The following ANKRD36 variants were observed in gnomAD, a reference collection of about 807,000 sequenced individuals.
ANKRD36 encodes the protein ankyrin repeat domain 36.
In ANKRD36, 179 loss-of-function variants were observed where a neutral mutation model predicts 278.1. The observed-to-expected ratio is 0.64, with a 90% CI of 0.57 to 0.73. The LOEUF is 0.73. Ranked by LOEUF, ANKRD36 falls within the 30% of genes least tolerant of loss-of-function variation. The probability of loss-of-function intolerance (pLI) is 0.00; values close to 1 mark genes in which losing one functional copy is unlikely to be tolerated. For missense variants in ANKRD36, 1,159 were observed against 1,956.7 expected (o/e 0.59, Z 7.69); for synonymous variants, 320 against 641.1 (o/e 0.50, Z 7.57).
At chr2:97,144,442 G>A in intron 8 of ANKRD36, 76 bp from the exon 9 acceptor site, 1 of 1,565,792 alleles carries the variant, frequency 6.4e-7, no homozygotes, top group Non-Finnish European at 8.7e-7. Context: ...ACAGCTTGAT[G>A]GTAACACTGC....
intron 67 of ANKRD36, among the ~76,000 whole-genome samples, chr2:97,227,422 C>T (rs996040326): frequency 5.9e-5 from 9 of 152,082 alleles, no homozygotes; most frequent in African/African-American, 2.2e-4. Context: ...ATTTGGCTCT[C>T]TGTTTGTCTG....
At chr2:97,151,056 A>T (rs1011124019) in intron 12 of ANKRD36, among the ~76,000 whole-genome samples, 1 of 152,222 alleles carries the variant, frequency 6.6e-6, no homozygotes, top group South Asian at 2.1e-4. Flanking sequence ...TTAGGCATAT[A>T]TTATGAACAC....
intron 48 of ANKRD36, among the ~76,000 whole-genome samples, chr2:97,202,824 A>G (rs2061770581): frequency 6.6e-6 from 1 of 151,854 alleles, no homozygotes; most frequent in Non-Finnish European, 1.5e-5. Flanking sequence ...CCCTTGTTGT[A>G]GCAATCATTT....
intron 6 of ANKRD36, among the ~76,000 whole-genome samples, chr2:97,131,241 G>A (rs2040065899): frequency 6.6e-6 from 1 of 151,582 alleles, no homozygotes; most frequent in African/African-American, 2.4e-5. Flanking sequence ...CCAGGCTGGA[G>A]TACAATAGTG....
chr2:97,136,779 A>G (rs942319424), intron 6 of ANKRD36, among the ~76,000 whole-genome samples: 4 of 152,118 alleles, frequency 2.6e-5, no homozygotes, highest in South Asian at 2.1e-4. Context: ...CACCTGGTTC[A>G]TTTGTCCAGA....
intron 64 of ANKRD36, among the ~76,000 whole-genome samples, chr2:97,218,688 C>G (rs1181643082): frequency 6.6e-6 from 1 of 152,108 alleles, no homozygotes; most frequent in South Asian, 2.1e-4. Context: ...GAAAGTCATG[C>G]AGTCGCAGTT....
chr2:97,212,708 C>T (rs201550090), intron 58 of ANKRD36: 2 of 155,832 alleles, frequency 1.3e-5, no homozygotes, highest in African/African-American at 4.8e-5. Flanking sequence ...AGAAATATGT[C>T]AACATTGGTA....
intron 66 of ANKRD36, among the ~76,000 whole-genome samples, chr2:97,220,812 A>T (rs1458832394): frequency 7.6e-6 from 1 of 131,772 alleles, no homozygotes; most frequent in African/African-American, 3.1e-5. Flanking sequence ...GTTTTAGGGT[A>T]CATGTGCACA....
chr2:97,179,128 GA>G (rs2055347305), intron 22 of ANKRD36, among the ~76,000 whole-genome samples: 1 of 151,580 alleles, frequency 6.6e-6, no homozygotes, highest in Admixed American at 6.6e-5. Flanking sequence ...GAAGATACAA[GA>G]GATGTAGGCA....
At chr2:97,117,753 A>C (rs2035879701) in intron 1 of ANKRD36, among the ~76,000 whole-genome samples, 1 of 152,178 alleles carries the variant, frequency 6.6e-6, no homozygotes, top group South Asian at 2.1e-4. Context: ...TAAGCATCAC[A>C]GCAGTGTTCT....
Position 97,124,635 on chromosome 2 carries a change from T to G in ANKRD36, c.731+38T>G, listed in dbSNP as rs1179883217. The G allele has an allele frequency of 2.0e-6, 3 of 1,527,854 alleles. No homozygotes were observed. The Admixed American group carries it at 6.7e-5, about 34-fold the overall frequency. The allele number at this position is 1,527,854 out of a possible 1,614,324, so 94.6% of individuals were successfully genotyped here. A position where few individuals can be genotyped will look rare whatever the true frequency, so the allele number is the denominator to read the frequency against. ...ATAAAAAGGCTAGTGAACACTAAATTGAAGTTTAAAATAATTGTAACAATT... is the reference window on the plus strand; with the variant it reads ...ATAAAAAGGCTAGTGAACACTAAATGGAAGTTTAAAATAATTGTAACAATT... On this transcript the variant is annotated intron_variant, in intron 5 of 75. Coordinates refer to ENST00000420699, the MANE Select transcript of ANKRD36 (RefSeq NM_001354587.1).
At chr2:97,222,719 G>A (rs1218299205) in intron 66 of ANKRD36, among the ~76,000 whole-genome samples, 1 of 152,102 alleles carries the variant, frequency 6.6e-6, no homozygotes, top group Admixed American at 6.5e-5. Context: ...AATTATACAT[G>A]TAAGGTACTA....
chr2:97,215,699 C>T, intron 62 of ANKRD36: 1 of 1,429,728 alleles, frequency 7.0e-7, no homozygotes, highest in Admixed American at 2.0e-5. Context: ...GTAGACTTCC[C>T]TACATTGAAA....
intron 32 of ANKRD36, among the ~76,000 whole-genome samples, chr2:97,188,350 C>T (rs944643623): frequency 6.6e-6 from 1 of 150,978 alleles, no homozygotes; most frequent in Admixed American, 6.6e-5. Flanking sequence ...ATGCTTGTAG[C>T]AGTTTTACTT....
intron 6 of ANKRD36, among the ~76,000 whole-genome samples, chr2:97,132,803 C>A (rs531440423): frequency 6.6e-6 from 1 of 151,988 alleles, no homozygotes; most frequent in African/African-American, 2.4e-5. Flanking sequence ...CACAAGCTTC[C>A]GGGAGCCCTC....
intron 6 of ANKRD36, among the ~76,000 whole-genome samples, chr2:97,128,598 G>A (rs1164897272): frequency 6.6e-6 from 1 of 152,026 alleles, no homozygotes; most frequent in African/African-American, 2.4e-5. Context: ...AAGATCCTGT[G>A]TAACCCTTTT....
rs768414907 is a variant in ANKRD36 at position 97,189,201 on chromosome 2, T to A, written c.2173-17T>A. 5.3e-6 allele frequency: 4 copies of A among 750,032 alleles called. 1 individual carries two copies. The Admixed American group carries it at 9.1e-5, about 17-fold the overall frequency. 46.5% of individuals were successfully genotyped at this position (750,032 alleles called of 1,614,324 possible). On this transcript the variant is annotated splice_polypyrimidine_tract_variant and intron_variant, in intron 33 of 75. Coordinates refer to ENST00000420699, the MANE Select transcript of ANKRD36 (RefSeq NM_001354587.1). ...ATTGATTTATTTATTTATTATTTTCTTTCAAATTCCATTAAGGCTACAACT... is the reference window on the plus strand; with the variant it reads ...ATTGATTTATTTATTTATTATTTTCATTCAAATTCCATTAAGGCTACAACT...
intron 1 of ANKRD36, among the ~76,000 whole-genome samples, chr2:97,114,282 AGGTGGGGGTGAGG>A (rs1234375945): frequency 2.0e-5 from 2 of 98,732 alleles, no homozygotes; most frequent in African/African-American, 7.9e-5. Context: ...AGAGGACTGG[AGGTGGGGGTGAGG>A]GGTGGGGGTG....
chr2:97,173,712 T>C (rs1297076576), intron 22 of ANKRD36, among the ~76,000 whole-genome samples: 1 of 151,482 alleles, frequency 6.6e-6, no homozygotes, highest in Non-Finnish European at 1.5e-5. Context: ...GCTAGTGAGG[T>C]AATTTGGAGG....
Sources: allele counts gnomAD v4.1 joint callset (sites outside exome capture counted in the v4.1 genomes callset), GRCh38; gene constraint gnomAD v4.1.1; transcripts MANE v1.5; gene names NCBI Gene and HGNC (gene_info 2026-07-23, HGNC 2026-07-21).